ROR2: variants seen among roughly 807,000 people sequenced by gnomAD.
ROR2 encodes ROR family WNT receptor 2, also known as tyrosine-protein kinase transmembrane receptor ROR2.
In ROR2, 33 loss-of-function variants were observed where a neutral mutation model predicts 74.9. The ratio of observed to expected loss-of-function variants is 0.44; its 90% CI spans 0.33 to 0.59. ROR2 has a LOEUF of 0.59. Ranked by LOEUF, ROR2 falls within the 20% of genes least tolerant of loss-of-function variation. The pLI, the probability that ROR2 is intolerant of heterozygous loss-of-function variation, is 0.02. For synonymous variants in ROR2, 586 were observed against 558.7 expected (o/e 1.05, Z -0.69); for missense variants, 1,216 against 1,313.8 (o/e 0.93, Z 1.15).
intron 4 of ROR2, among the ~76,000 whole-genome samples, chr9:91,741,926 C>T (rs1408967420): frequency 6.6e-6 from 1 of 152,138 alleles, no homozygotes; most frequent in East Asian, 1.9e-4. Flanking sequence ...ACCAGACATG[C>T]AAAGAAACAG....
intron 4 of ROR2, among the ~76,000 whole-genome samples, chr9:91,744,797 C>T (rs748414250): frequency 5.9e-5 from 9 of 152,346 alleles, no homozygotes; most frequent in Admixed American, 1.3e-4. Flanking sequence ...AAGACAATGG[C>T]TCTGAGGGTG....
intron 1 of ROR2, chr9:91,948,589 C>T: frequency 2.0e-6 from 2 of 985,494 alleles, no homozygotes; most frequent in Non-Finnish European, 2.4e-6. Flanking sequence ...GACTGTGCAG[C>T]CTTTCTGACT....
chr9:91,745,673 A>C (rs1242703825), intron 4 of ROR2, among the ~76,000 whole-genome samples: 1 of 151,434 alleles, frequency 6.6e-6, no homozygotes, highest in Non-Finnish European at 1.5e-5. Flanking sequence ...TGATCCGCCC[A>C]CCTCGGCCTC....
intron 6 of ROR2, among the ~76,000 whole-genome samples, chr9:91,731,683 G>A (rs913052973): frequency 3.9e-5 from 6 of 152,196 alleles, no homozygotes; most frequent in Non-Finnish European, 8.8e-5. Flanking sequence ...TGGCTAACAA[G>A]GCGGGTGGAT....
chr9:91,936,188 T>G (rs972513554), intron 1 of ROR2, among the ~76,000 whole-genome samples: 3 of 152,218 alleles, frequency 2.0e-5, no homozygotes, highest in Non-Finnish European at 4.4e-5. Flanking sequence ...AATAGTGAGC[T>G]GCACTTGATC....
chr9:91,748,789 T>G (rs1452474113), intron 4 of ROR2, among the ~76,000 whole-genome samples: 1 of 152,210 alleles, frequency 6.6e-6, no homozygotes, highest in African/African-American at 2.4e-5. Flanking sequence ...TCCCAGCATT[T>G]TGGGAGGCTG....
chr9:91,900,963 C>G (rs954313617), intron 1 of ROR2, among the ~76,000 whole-genome samples: 5 of 152,190 alleles, frequency 3.3e-5, no homozygotes, highest in African/African-American at 7.2e-5. Flanking sequence ...CTTTTCTGGG[C>G]AGATTGTTTT....
chr9:91,750,156 C>T (rs771728319), intron 4 of ROR2, among the ~76,000 whole-genome samples: 9 of 152,192 alleles, frequency 5.9e-5, no homozygotes, highest in Non-Finnish European at 1.3e-4. Context: ...CCCGCCTTGG[C>T]CTCCCAAAGT....
intron 1 of ROR2, among the ~76,000 whole-genome samples, 165 bp downstream of exon 1, chr9:91,949,702 C>G (rs1465340301): frequency 6.6e-6 from 1 of 152,172 alleles, no homozygotes; most frequent in African/African-American, 2.4e-5. Context: ...GTCCGGGGTG[C>G]GGGCCGGGAG....
At chr9:91,775,252 G>GCAT (rs1826380460) in intron 2 of ROR2, among the ~76,000 whole-genome samples, 1 of 152,226 alleles carries the variant, frequency 6.6e-6, no homozygotes, top group Admixed American at 6.5e-5. Context: ...CCACAGGTCT[G>GCAT]CATCCGGGGG....
intron 4 of ROR2, among the ~76,000 whole-genome samples, chr9:91,741,355 C>A (rs1049259796): frequency 1.4e-5 from 2 of 146,678 alleles, no homozygotes; most frequent in African/African-American, 2.5e-5. Context: ...ATAATGACAA[C>A]CCTGGGTAAG....
intron 1 of ROR2, among the ~76,000 whole-genome samples, chr9:91,920,464 C>A (rs1831234108): frequency 6.6e-6 from 1 of 152,172 alleles, no homozygotes; most frequent in Non-Finnish European, 1.5e-5. Flanking sequence ...TATGATTGCA[C>A]CCCTGCACTC....
intron 1 of ROR2, among the ~76,000 whole-genome samples, chr9:91,788,405 C>T (rs1387450153): frequency 6.6e-6 from 1 of 152,106 alleles, no homozygotes; most frequent in African/African-American, 2.4e-5. Flanking sequence ...CACGACCAGG[C>T]ACATCATAGA....
intron 5 of ROR2, among the ~76,000 whole-genome samples, chr9:91,734,717 T>C (rs1357104787): frequency 6.6e-6 from 1 of 152,102 alleles, no homozygotes; most frequent in Admixed American, 6.5e-5. Flanking sequence ...GACCCCACAC[T>C]GGGGAATGAG....
chr9:91,941,882 C>T (rs1156953024), intron 1 of ROR2, among the ~76,000 whole-genome samples: 1 of 152,094 alleles, frequency 6.6e-6, no homozygotes, highest in Admixed American at 6.6e-5. Context: ...CCTCCACCTC[C>T]CGGGTTCAAG....
chr9:91,801,228 T>C (rs9657698), intron 1 of ROR2, among the ~76,000 whole-genome samples: 13,119 of 152,242 alleles, frequency 0.086, 1,459 homozygotes, highest in African/African-American at 0.25. Flanking sequence ...CTTTGTTCAA[T>C]CTGGGATAGA....
chr9:91,839,684 G>T (rs1039388804), intron 1 of ROR2, among the ~76,000 whole-genome samples: 3 of 149,340 alleles, frequency 2.0e-5, no homozygotes, highest in Non-Finnish European at 3.0e-5. Flanking sequence ...ATATGGTGTG[G>T]GTGTGTGTGT....
intron 1 of ROR2, among the ~76,000 whole-genome samples, chr9:91,792,555 A>G (rs780167183): frequency 1.8e-4 from 27 of 152,080 alleles, no homozygotes; most frequent in African/African-American, 3.4e-4. Flanking sequence ...TGATCCGCCC[A>G]CCTTGGCCTC....
chr9:91,745,716 C>T (rs746970361), intron 4 of ROR2, among the ~76,000 whole-genome samples: 5 of 152,094 alleles, frequency 3.3e-5, no homozygotes, highest in Non-Finnish European at 7.4e-5. Flanking sequence ...ATTGAGCCAC[C>T]GCGCCCAGCC....
Sources: gnomAD v4.1 joint callset for allele counts (sites outside exome capture counted in the v4.1 genomes callset) on GRCh38, gnomAD v4.1.1 for gene constraint, MANE v1.5 for transcripts, NCBI Gene and HGNC (gene_info 2026-07-23, HGNC 2026-07-21) for gene names.